SCAMP1: variants seen among roughly 807,000 people sequenced by gnomAD.
SCAMP1 encodes secretory carrier membrane protein 1.
Under a neutral mutation model 41.8 loss-of-function variants are expected in SCAMP1, and 15 were observed. The ratio of observed to expected loss-of-function variants is 0.36; its 90% CI spans 0.24 to 0.55. SCAMP1 has a LOEUF of 0.55. Ranked by LOEUF, SCAMP1 falls within the 20% of genes least tolerant of loss-of-function variation. SCAMP1 has a pLI of 0.86. For missense variants in SCAMP1, 341 were observed against 412.6 expected, an observed-to-expected ratio of 0.83 and a Z score of 1.50; for synonymous variants, 135 against 136.8, an observed-to-expected ratio of 0.99 and a Z score of 0.09.
At chr5:78,406,885 C>T (rs1751948315) in intron 2 of SCAMP1, among the ~76,000 whole-genome samples, 1 of 152,190 alleles carries the variant, frequency 6.6e-6, no homozygotes, top group Admixed American at 6.5e-5. Flanking sequence ...GGTCAGTTCT[C>T]TCATTCTCTT....
chr5:78,373,720 T>G (rs1025306047), intron 1 of SCAMP1, among the ~76,000 whole-genome samples: 3 of 152,034 alleles, frequency 2.0e-5, no homozygotes, highest in Admixed American at 2.0e-4. Flanking sequence ...CAAAATAGAG[T>G]GTGAAATTTG....
At chr5:78,440,685 G>C (rs189429541) in intron 6 of SCAMP1, among the ~76,000 whole-genome samples, 1 of 152,154 alleles carries the variant, frequency 6.6e-6, no homozygotes, top group Non-Finnish European at 1.5e-5. Context: ...CAGTCCGTCC[G>C]TCCTCAGATC....
intron 1 of SCAMP1, among the ~76,000 whole-genome samples, chr5:78,383,140 G>C (rs551636531): frequency 6.6e-6 from 1 of 152,224 alleles, no homozygotes; most frequent in East Asian, 1.9e-4. Context: ...GTTTTTGCAG[G>C]AGTAAGTTGG....
intron 2 of SCAMP1, among the ~76,000 whole-genome samples, chr5:78,402,398 G>A (rs10805920): frequency 0.76 from 115,668 of 151,930 alleles, 44,625 homozygotes; most frequent in African/African-American, 0.84. Context: ...AGATCGGTCC[G>A]TTTCTGATTT....
chr5:78,407,728 C>CTG (rs1267777298), intron 2 of SCAMP1, among the ~76,000 whole-genome samples: 1 of 151,400 alleles, frequency 6.6e-6, no homozygotes, highest in Non-Finnish European at 1.5e-5. Context: ...GATCTCTGTG[C>CTG]TGTGTCATTA....
intron 2 of SCAMP1, among the ~76,000 whole-genome samples, chr5:78,410,068 C>CA (rs1752033453): frequency 6.6e-6 from 1 of 150,470 alleles, no homozygotes; most frequent in African/African-American, 2.4e-5. Context: ...GAACTTGGGA[C>CA]AATATATGTG....
chr5:78,391,099 ACCTTTCCCC>A (rs58826983), intron 2 of SCAMP1, among the ~76,000 whole-genome samples: 63,878 of 148,340 alleles, frequency 0.43, 13,171 homozygotes, highest in Non-Finnish European at 0.47. Context: ...TCTTTTCCCC[ACCTTTCCCC>A]CCTTTCCACT....
intron 2 of SCAMP1, among the ~76,000 whole-genome samples, chr5:78,398,587 T>C (rs1161031193): frequency 7.3e-6 from 1 of 137,444 alleles, no homozygotes; most frequent in Non-Finnish European, 1.5e-5. Flanking sequence ...AGTCTTGCTC[T>C]GTCGCCCAGG....
intron 7 of SCAMP1, among the ~76,000 whole-genome samples, chr5:78,453,005 G>A (rs113714126): frequency 3.4e-5 from 5 of 147,304 alleles, no homozygotes; most frequent in Non-Finnish European, 7.5e-5. Context: ...GTCTGTTCAT[G>A]TCCTTCGCCC....
chr5:78,452,437 T>C (rs1029910654), intron 7 of SCAMP1, among the ~76,000 whole-genome samples: 8 of 133,072 alleles, frequency 6.0e-5, no homozygotes, highest in Non-Finnish European at 9.5e-5. Context: ...GAATATGCGG[T>C]GTTTGGTTTT....
At chr5:78,449,896 A>C in intron 6 of SCAMP1, 37 bp from the exon 7 acceptor site, 2 of 1,153,386 alleles carry the variant, frequency 1.7e-6, no homozygotes, top group Non-Finnish European at 2.4e-6. Flanking sequence ...TCTCCCCCTA[A>C]CCCCCTTTTT....
At chr5:78,402,495 G>A (rs963440038) in intron 2 of SCAMP1, among the ~76,000 whole-genome samples, 27 of 152,078 alleles carry the variant, frequency 1.8e-4, no homozygotes, top group African/African-American at 6.5e-4. Context: ...GTAGTTTGAT[G>A]CTCTGTCATT....
At chr5:78,426,184 C>T (rs932594147) in intron 6 of SCAMP1, among the ~76,000 whole-genome samples, 6 of 152,120 alleles carry the variant, frequency 3.9e-5, no homozygotes, top group African/African-American at 1.4e-4. Context: ...TTTTCTTTAT[C>T]CAATCTATCA....
intron 1 of SCAMP1, among the ~76,000 whole-genome samples, chr5:78,381,195 A>G (rs988812180): frequency 6.6e-6 from 1 of 152,222 alleles, no homozygotes; most frequent in Non-Finnish European, 1.5e-5. Flanking sequence ...CTGTGGGAAC[A>G]TTGAGCGTGG....
intron 6 of SCAMP1, among the ~76,000 whole-genome samples, chr5:78,447,948 T>C (rs1251065523): frequency 1.8e-5 from 1 of 54,680 alleles, no homozygotes; most frequent in East Asian, 7.0e-4. Flanking sequence ...TCCTTCCCCC[T>C]CTTTCCCTGT....
rs1429793822 is a variant in SCAMP1 at position 78,460,800 on chromosome 5, C to CTTTCTTTCTTTCTTTCTTTCTTTCTTT, written c.852+1438_852+1439insTTTCTTTCTTTCTTTCTTTCTTTCTTT. Among the ~76,000 whole-genome samples the CTTTCTTTCTTTCTTTCTTTCTTTCTTT allele has an allele frequency of 5.3e-4, 18 of 34,230 alleles. 1 individual carries two copies. Among genetic ancestry groups the CTTTCTTTCTTTCTTTCTTTCTTTCTTT allele is most frequent in the Middle Eastern group, 0.022 (1 of 46 alleles). 22.5% of individuals were successfully genotyped at this position (34,230 alleles called of 152,430 possible). Reference sequence around the variant, plus strand: ...TCCTTCCTTCCTTCCTTCCTTCCTTCCTTCCTCCCTTCCTTCCTTCCTTTC... The same window carrying CTTTCTTTCTTTCTTTCTTTCTTTCTTT: ...TCCTTCCTTCCTTCCTTCCTTCCTTCTTTCTTTCTTTCTTTCTTTCTTTCTTTCTTCCTCCCTTCCTTCCTTCCTTTC... On this transcript the variant is annotated intron_variant, in intron 8 of 8. Transcript: ENST00000621999.
chr5:78,362,929 G>A (rs1750695345), intron 1 of SCAMP1, among the ~76,000 whole-genome samples: 1 of 119,168 alleles, frequency 8.4e-6, no homozygotes, highest in African/African-American at 3.1e-5. Context: ...GTCTTGCACT[G>A]TTGCCCCGGC....
intron 6 of SCAMP1, among the ~76,000 whole-genome samples, chr5:78,444,513 A>T (rs377611922): frequency 1.3e-5 from 2 of 152,192 alleles, no homozygotes; most frequent in Non-Finnish European, 2.9e-5. Flanking sequence ...GGTCCCTCCC[A>T]TGACATGTGA....
chr5:78,405,461 C>T (rs780830839), intron 2 of SCAMP1, among the ~76,000 whole-genome samples: 1 of 152,202 alleles, frequency 6.6e-6, no homozygotes, highest in Non-Finnish European at 1.5e-5. Context: ...CTTACTTTCT[C>T]ACCTCCTTGA....
Sources: gnomAD v4.1 joint callset for allele counts (sites outside exome capture counted in the v4.1 genomes callset) on GRCh38, gnomAD v4.1.1 for gene constraint, MANE v1.5 for transcripts, NCBI Gene and HGNC (gene_info 2026-07-23, HGNC 2026-07-21) for gene names.